KCNH7: variants seen among roughly 807,000 people sequenced by gnomAD.
KCNH7 encodes the protein voltage-gated inwardly rectifying potassium channel KCNH7.
Under a neutral mutation model 120.8 loss-of-function variants are expected in KCNH7, and 49 were observed. The observed-to-expected ratio is 0.41, with a 90% CI of 0.32 to 0.51. The LOEUF (loss-of-function observed/expected upper bound fraction) is 0.51. Ranked by LOEUF, KCNH7 falls within the 20% of genes least tolerant of loss-of-function variation. The probability of loss-of-function intolerance (pLI) is 0.38; values close to 1 mark genes in which losing one functional copy is unlikely to be tolerated. For missense variants in KCNH7, 1,097 were observed against 1,446.6 expected, an observed-to-expected ratio of 0.76 and a Z score of 3.92; for synonymous variants, 547 against 516.1, an observed-to-expected ratio of 1.06 and a Z score of -0.81.
intron 9 of KCNH7, among the ~76,000 whole-genome samples, chr2:162,416,762 C>T (rs952276333): frequency 6.6e-6 from 1 of 152,012 alleles, no homozygotes; most frequent in African/African-American, 2.4e-5. Flanking sequence ...TGCCCCCTAC[C>T]CAACCCAATA....
intron 2 of KCNH7, among the ~76,000 whole-genome samples, chr2:162,817,311 G>A (rs1684949656): frequency 6.6e-6 from 1 of 152,130 alleles, no homozygotes. Context: ...TGTAATTAGA[G>A]ATATGCAATG....
chr2:162,441,367 T>A (rs1257055787), intron 7 of KCNH7, among the ~76,000 whole-genome samples: 1 of 152,174 alleles, frequency 6.6e-6, no homozygotes, highest in Non-Finnish European at 1.5e-5. Context: ...TCACAATTCA[T>A]CTATCAGACT....
rs76937512 is a variant in KCNH7, at chr2:162,833,419, C to T, written c.307+3118G>A. On this transcript the variant is annotated intron_variant, in intron 2 of 15. Transcript: ENST00000332142. ...ATGAATGTATTATGCTATTAAAATACATGCCCATCCTTATATAAGTCATAG... is the reference window on the plus strand; with the variant it reads ...ATGAATGTATTATGCTATTAAAATATATGCCCATCCTTATATAAGTCATAG... Among the ~76,000 whole-genome samples the T allele has an allele frequency of 0.011, 1,735 of 152,146 alleles. 67 individuals carry two copies. In the East Asian group the frequency reaches 0.13, roughly 12 times the overall value.
At chr2:162,643,575 A>G (rs73028574) in intron 2 of KCNH7, among the ~76,000 whole-genome samples, 16,620 of 151,870 alleles carry the variant, frequency 0.11, 1,707 homozygotes, top group East Asian at 0.3. Context: ...TTGGGAGGCC[A>G]AGGCTGGTGG....
intron 2 of KCNH7, among the ~76,000 whole-genome samples, chr2:162,613,064 A>T (rs181328055): frequency 6.6e-6 from 1 of 151,942 alleles, no homozygotes; most frequent in South Asian, 2.1e-4. Context: ...AAGTAGAGAG[A>T]AAACAACCAC....
chr2:162,711,946 G>A (rs901898656), intron 2 of KCNH7, among the ~76,000 whole-genome samples: 2 of 152,094 alleles, frequency 1.3e-5, no homozygotes, highest in Admixed American at 6.5e-5. Flanking sequence ...GACAAAAGGA[G>A]AGCAGTTTCT....
In KCNH7 at chr2:162,838,581, T is replaced by G. The variant is rs1046497902; in HGVS notation, c.-63A>C. On this transcript the variant is annotated 5_prime_UTR_variant, in exon 1 of 16. Transcript: ENST00000332142. Reference sequence around the variant, plus strand: ...TCTGGAGTTCTCCCGGGATCTCTCCTCGGCTAGAGCCCAGGCCAGCGCGCG... The same window carrying G: ...TCTGGAGTTCTCCCGGGATCTCTCCGCGGCTAGAGCCCAGGCCAGCGCGCG... 1.4e-6 allele frequency: 2 copies of G among 1,384,070 alleles called. No individual in the cohort carries two copies. The highest frequency in any genetic ancestry group is 2.8e-5 in the African/African-American group (2 of 70,558). 85.7% of individuals were successfully genotyped at this position (1,384,070 alleles called of 1,614,324 possible). A position where few individuals can be genotyped will look rare whatever the true frequency, so the allele number is the denominator to read the frequency against.
At chr2:162,415,889 A>T (rs1419331026) in intron 9 of KCNH7, among the ~76,000 whole-genome samples, 1 of 152,026 alleles carries the variant, frequency 6.6e-6, no homozygotes, top group African/African-American at 2.4e-5. Flanking sequence ...CTCTGCTTTT[A>T]CTCCAAGAAT....
At chr2:162,748,699 T>C (rs1688400349) in intron 2 of KCNH7, among the ~76,000 whole-genome samples, 1 of 152,190 alleles carries the variant, frequency 6.6e-6, no homozygotes. Flanking sequence ...TGTTCTCTTC[T>C]GTGATAACTT....
Position 162,562,965 on chromosome 2 carries a change from C to T in KCNH7, c.308-25885G>A, listed in dbSNP as rs144242360. 4.8e-3 allele frequency among the ~76,000 whole-genome samples: 727 copies of T among 152,128 alleles called. 4 individuals are homozygous for T. The highest frequency in any genetic ancestry group is 0.01 in the Admixed American group (160 of 15,258). On this transcript the variant is annotated intron_variant, in intron 2 of 15. Transcript: ENST00000332142. Reference sequence around the variant, plus strand: ...AGAACCTATCACTTTTGCCATAGTTCGAGGATGAGGGTAGGATATTGGTCT... The same window carrying T: ...AGAACCTATCACTTTTGCCATAGTTTGAGGATGAGGGTAGGATATTGGTCT...
chr2:162,701,934 G>A (rs1483363043), intron 2 of KCNH7, among the ~76,000 whole-genome samples: 1 of 151,930 alleles, frequency 6.6e-6, no homozygotes, highest in Non-Finnish European at 1.5e-5. Context: ...ATGAACTTGG[G>A]AGGCGGAGGT....
At chr2:162,389,133 T>G (rs1379772296) in intron 12 of KCNH7, among the ~76,000 whole-genome samples, 2 of 152,012 alleles carry the variant, frequency 1.3e-5, no homozygotes, top group East Asian at 3.9e-4. Flanking sequence ...TGGCTTTTTT[T>G]GTTTTGTTTG....
chr2:162,568,101 T>C lies in KCNH7; in HGVS notation c.308-31021A>G, dbSNP rs1052255993. Among the ~76,000 whole-genome samples, 13 of 151,834 alleles carry C rather than the reference T, an allele frequency of 8.6e-5. 1 individual carries two copies. Among genetic ancestry groups the C allele is most frequent in the Admixed American group, 7.9e-4 (12 of 15,198 alleles). ...GAAAGTGGAGCAAACATGTCCTTCTTCACATGGCAGCAGAAGAAGGAATGA... is the reference window on the plus strand; with the variant it reads ...GAAAGTGGAGCAAACATGTCCTTCTCCACATGGCAGCAGAAGAAGGAATGA... On this transcript the variant is annotated intron_variant, in intron 2 of 15. Coordinates refer to ENST00000332142, the MANE Select transcript of KCNH7 (RefSeq NM_033272.4).
At chr2:162,504,346 C>A in intron 6 of KCNH7, 97 bp downstream of exon 6, 1 of 891,776 alleles carries the variant, frequency 1.1e-6, no homozygotes, top group East Asian at 2.4e-5. Context: ...AAATGTCTTA[C>A]CTCTACCGAC....
At chr2:162,636,057 T>G (rs1683947126) in intron 2 of KCNH7, among the ~76,000 whole-genome samples, 1 of 152,098 alleles carries the variant, frequency 6.6e-6, no homozygotes, top group Admixed American at 6.6e-5. Context: ...CTACTTTGGT[T>G]TCAGGTATTT....
intron 2 of KCNH7, among the ~76,000 whole-genome samples, chr2:162,632,051 T>C (rs1683786383): frequency 6.6e-6 from 1 of 151,834 alleles, no homozygotes; most frequent in Non-Finnish European, 1.5e-5. Flanking sequence ...GATAAAAAAA[T>C]GAATGTATAA....
In KCNH7 at chr2:162,371,578, A is replaced by C. The variant is rs1486144627; in HGVS notation, c.*251T>G. 5 of 862,146 alleles carry C rather than the reference A, an allele frequency of 5.8e-6. No individual in the cohort carries two copies. Among genetic ancestry groups the C allele is most frequent in the Non-Finnish European group, 8.0e-6 (5 of 624,544 alleles). 53.4% of individuals were successfully genotyped at this position (862,146 alleles called of 1,614,324 possible). On this transcript the variant is annotated 3_prime_UTR_variant, in exon 16 of 16. Coordinates refer to ENST00000332142, the MANE Select transcript of KCNH7 (RefSeq NM_033272.4). ...TTCCTAACATGCATGTGATTTAAAA[A>C]ATAAAAATAAAAAATAAGGTGCCGT...
chr2:162,705,521 T>C (rs556396440), intron 2 of KCNH7, among the ~76,000 whole-genome samples: 26 of 152,240 alleles, frequency 1.7e-4, no homozygotes, highest in African/African-American at 5.1e-4. Flanking sequence ...CATTTGTTAG[T>C]TATGTCTACA....
Position 162,838,716 on chromosome 2 carries a change from C to T in KCNH7, c.-198G>A. 1 of 393,560 alleles carries T rather than the reference C, an allele frequency of 2.5e-6. No individual in the cohort carries two copies. The highest frequency in any genetic ancestry group is 4.3e-5 in the South Asian group (1 of 23,238). The allele number at this position is 393,560 out of a possible 1,614,324, so 24.4% of individuals were successfully genotyped here. Reference sequence around the variant, plus strand: ...CCGGAGTCCAATCCATTCCCCTCACCTTCCGGAGGGGGCCTCGCACCGGAC... The same window carrying T: ...CCGGAGTCCAATCCATTCCCCTCACTTTCCGGAGGGGGCCTCGCACCGGAC... On this transcript the variant is annotated 5_prime_UTR_variant, in exon 1 of 16. Coordinates refer to ENST00000332142, the MANE Select transcript of KCNH7 (RefSeq NM_033272.4).
Sources: allele counts gnomAD v4.1 joint callset (sites outside exome capture counted in the v4.1 genomes callset), GRCh38; gene constraint gnomAD v4.1.1; transcripts MANE v1.5; gene names NCBI Gene and HGNC (gene_info 2026-07-23, HGNC 2026-07-21).